The following MSH4 variants were observed in gnomAD, a reference collection of about 807,000 sequenced individuals.
MSH4 encodes mutS protein homolog 4.
MSH4 carries 106 observed loss-of-function variants against 113.7 expected under a neutral mutation model. That is an observed-to-expected ratio of 0.93 (90% CI 0.80 to 1.10). The LOEUF (loss-of-function observed/expected upper bound fraction) is 1.10, where lower values mean the gene tolerates loss of function less well. Among genes scored for constraint, MSH4 ranks in the 50% least tolerant of loss-of-function variants. The pLI, the probability that MSH4 is intolerant of heterozygous loss-of-function variation, is 0.00. For missense variants in MSH4, 1,061 were observed against 1,093.7 expected, an observed-to-expected ratio of 0.97 and a Z score of 0.42; for synonymous variants, 368 against 380.2, an observed-to-expected ratio of 0.97 and a Z score of 0.37.
intron 7 of MSH4, among the ~76,000 whole-genome samples, chr1:75,836,537 C>T (rs72979226): frequency 0.019 from 2,874 of 152,044 alleles, 99 homozygotes; most frequent in African/African-American, 0.067. Flanking sequence ...TAATAAATTA[C>T]TGGCACATAA....
intron 7 of MSH4, among the ~76,000 whole-genome samples, chr1:75,833,630 C>T (rs1570956590): frequency 6.6e-6 from 1 of 152,106 alleles, no homozygotes; most frequent in African/African-American, 2.4e-5. Flanking sequence ...AATAATACCA[C>T]ACATCTACAA....
intron 9 of MSH4, among the ~76,000 whole-genome samples, chr1:75,870,625 C>T (rs1651693329): frequency 1.3e-5 from 2 of 152,150 alleles, no homozygotes; most frequent in African/African-American, 4.8e-5. Flanking sequence ...TGCACATGTT[C>T]TTCTTGCCTG....
chr1:75,882,248 C>T (rs1651950090), intron 14 of MSH4, among the ~76,000 whole-genome samples: 1 of 151,980 alleles, frequency 6.6e-6, no homozygotes, highest in Non-Finnish European at 1.5e-5. Context: ...TTTAGTCTTG[C>T]TTCATTTTAG....
At chr1:75,854,658 T>TA (rs1651277677) in intron 8 of MSH4, among the ~76,000 whole-genome samples, 1 of 152,154 alleles carries the variant, frequency 6.6e-6, no homozygotes, top group Non-Finnish European at 1.5e-5. Context: ...TAACAACTGA[T>TA]ACTACATCAC....
chr1:75,895,157 T>C (rs1652343458), intron 17 of MSH4, among the ~76,000 whole-genome samples: 2 of 152,062 alleles, frequency 1.3e-5, no homozygotes, highest in Admixed American at 1.3e-4. Flanking sequence ...ACTTTGGCTG[T>C]CTTATGCCTC....
At chr1:75,874,301 G>A (rs996892938) in intron 9 of MSH4, among the ~76,000 whole-genome samples, 5 of 152,020 alleles carry the variant, frequency 3.3e-5, no homozygotes, top group African/African-American at 4.8e-5. Flanking sequence ...CTTGAACAGC[G>A]TGCTAGCATC....
intron 7 of MSH4, among the ~76,000 whole-genome samples, chr1:75,824,363 T>C (rs1650497659): frequency 6.6e-6 from 1 of 152,246 alleles, no homozygotes; most frequent in South Asian, 2.1e-4. Flanking sequence ...TTGTGGATTC[T>C]GGATTTTAGA....
At chr1:75,862,548 A>G (rs984568014) in intron 8 of MSH4, among the ~76,000 whole-genome samples, 14 of 152,344 alleles carry the variant, frequency 9.2e-5, no homozygotes, top group South Asian at 2.1e-4. Flanking sequence ...GACTGTACAG[A>G]TCAGATTTAG....
At chr1:75,835,194 T>C (rs1650801836) in intron 7 of MSH4, among the ~76,000 whole-genome samples, 1 of 152,212 alleles carries the variant, frequency 6.6e-6, no homozygotes, top group African/African-American at 2.4e-5. Flanking sequence ...CTGAGTAGGT[T>C]TTCTTCAGTC....
intron 17 of MSH4, among the ~76,000 whole-genome samples, chr1:75,895,820 A>G (rs1407722282): frequency 6.6e-6 from 1 of 152,112 alleles, no homozygotes; most frequent in Non-Finnish European, 1.5e-5. Flanking sequence ...GTTGTATCAT[A>G]TTAGAGGGAA....
At chr1:75,833,304 G>T (rs1029798254) in intron 7 of MSH4, among the ~76,000 whole-genome samples, 2 of 152,086 alleles carry the variant, frequency 1.3e-5, no homozygotes, top group African/African-American at 2.4e-5. Flanking sequence ...ACAAATGGAA[G>T]CACATTCCAT....
At chr1:75,834,183 T>C (rs1650775331) in intron 7 of MSH4, among the ~76,000 whole-genome samples, 2 of 152,226 alleles carry the variant, frequency 1.3e-5, no homozygotes, top group African/African-American at 4.8e-5. Context: ...GAAAAAGTAC[T>C]CCTTATCACT....
intron 6 of MSH4, 147 bp from the exon 7 acceptor site, chr1:75,822,262 C>T: frequency 2.1e-6 from 1 of 478,166 alleles, no homozygotes; most frequent in Admixed American, 5.2e-5. Context: ...GTACTCCATA[C>T]TGGGAGAGAG....
intron 5 of MSH4, among the ~76,000 whole-genome samples, chr1:75,815,963 A>T (rs1650284105): frequency 6.6e-6 from 1 of 151,564 alleles, no homozygotes; most frequent in Non-Finnish European, 1.5e-5. Flanking sequence ...AGCCGAGATC[A>T]CACCACTGTA....
intron 10 of MSH4, among the ~76,000 whole-genome samples, chr1:75,877,500 A>G (rs1330492098): frequency 2.0e-5 from 3 of 152,194 alleles, no homozygotes; most frequent in Non-Finnish European, 4.4e-5. Flanking sequence ...CTTAAGAACT[A>G]TTATTCTATT....
In MSH4 at chr1:75,912,991, T is replaced by A. The variant is rs1652822161; in HGVS notation, c.*104T>A. On this transcript the variant is annotated 3_prime_UTR_variant, in exon 20 of 20. Transcript: ENST00000263187. ...CATTTGCCAAATTTCATATTTTAAT[T>A]GAAAATTACATTATATTAACATCAC... 1.7e-6 allele frequency: 1 copy of A among 599,516 alleles called. No homozygotes were observed. Among genetic ancestry groups the A allele is most frequent in the Non-Finnish European group, 2.6e-6 (1 of 386,958 alleles). 37.1% of individuals were successfully genotyped at this position (599,516 alleles called of 1,614,324 possible). A position where few individuals can be genotyped will look rare whatever the true frequency, so the allele number is the denominator to read the frequency against.
chr1:75,857,529 A>G (rs1260143939), intron 8 of MSH4, among the ~76,000 whole-genome samples: 2 of 152,138 alleles, frequency 1.3e-5, no homozygotes, highest in African/African-American at 4.8e-5. Flanking sequence ...TCCCAGCACC[A>G]TTTATTAAAT....
intron 7 of MSH4, among the ~76,000 whole-genome samples, chr1:75,844,134 A>G (rs952526119): frequency 6.6e-6 from 1 of 152,092 alleles, no homozygotes; most frequent in African/African-American, 2.4e-5. Flanking sequence ...TTAAGGGATA[A>G]CAGCATGACA....
intron 8 of MSH4, among the ~76,000 whole-genome samples, chr1:75,849,161 A>G (rs1003963566): frequency 6.6e-6 from 1 of 152,098 alleles, no homozygotes; most frequent in African/African-American, 2.4e-5. Context: ...CGAACTCCTG[A>G]CCTCAAGTGA....
Sources: gnomAD v4.1 joint callset for allele counts (sites outside exome capture counted in the v4.1 genomes callset) on GRCh38, gnomAD v4.1.1 for gene constraint, MANE v1.5 for transcripts, NCBI Gene and HGNC (gene_info 2026-07-23, HGNC 2026-07-21) for gene names.